The following PSMD1 variants were observed in gnomAD, a reference collection of about 807,000 sequenced individuals.
PSMD1 encodes 26S proteasome non-ATPase regulatory subunit 1.
In PSMD1, 18 loss-of-function variants were observed where a neutral mutation model predicts 119.0. The ratio of observed to expected loss-of-function variants is 0.15; its 90% CI spans 0.10 to 0.22. The LOEUF (loss-of-function observed/expected upper bound fraction) is 0.22, where lower values mean the gene tolerates loss of function less well. Among genes scored for constraint, PSMD1 ranks in the 10% least tolerant of loss-of-function variants. The pLI, the probability that PSMD1 is intolerant of heterozygous loss-of-function variation, is 1.00. For synonymous variants in PSMD1, 374 were observed against 396.6 expected, an observed-to-expected ratio of 0.94 and a Z score of 0.68; for missense variants, 702 against 1,158.5, an observed-to-expected ratio of 0.61 and a Z score of 5.72.
chr2:231,070,551 C>T (rs1046944535), intron 6 of PSMD1, among the ~76,000 whole-genome samples: 2 of 152,054 alleles, frequency 1.3e-5, no homozygotes, highest in African/African-American at 2.4e-5. Context: ...TATATGGTTT[C>T]ATTACCCATA....
At chr2:231,098,924 G>A (rs1244790867) in intron 16 of PSMD1, among the ~76,000 whole-genome samples, 5 of 152,142 alleles carry the variant, frequency 3.3e-5, no homozygotes, top group Admixed American at 6.5e-5. Context: ...GATCTCTTAG[G>A]TACAGAGGGA....
chr2:231,066,877 G>A (rs761722367), intron 4 of PSMD1, 29 bp from the exon 5 acceptor site: 1 of 1,530,778 alleles, frequency 6.5e-7, no homozygotes, highest in Non-Finnish European at 8.8e-7. Context: ...CAATTTACAA[G>A]ATAATCAGTT....
chr2:231,076,831 G>A (rs544694894), intron 8 of PSMD1, among the ~76,000 whole-genome samples: 21 of 151,838 alleles, frequency 1.4e-4, no homozygotes, highest in Non-Finnish European at 2.6e-4. Context: ...ATTTTACATC[G>A]AAAGCTAGCT....
chr2:231,085,553 A>G (rs1414138876), intron 15 of PSMD1, among the ~76,000 whole-genome samples: 1 of 152,192 alleles, frequency 6.6e-6, no homozygotes, highest in East Asian at 1.9e-4. Flanking sequence ...TACTCTGGAA[A>G]GTGAAGTGGA....
chr2:231,107,009 AT>A (rs11364554), intron 16 of PSMD1, among the ~76,000 whole-genome samples: 164 of 151,744 alleles, frequency 1.1e-3, no homozygotes, highest in African/African-American at 3.6e-3. Context: ...ATAGAGAATG[AT>A]TTTTTTTTAA....
chr2:231,133,741 A>G (rs1008376945), intron 16 of PSMD1: 7 of 152,152 alleles, frequency 4.6e-5, no homozygotes, highest in East Asian at 1.9e-4. Context: ...TTAGAGGGGG[A>G]AAAGAAAGAC....
chr2:231,163,544 G>A, intron 20 of PSMD1, 91 bp from the exon 21 acceptor site: 1 of 816,122 alleles, frequency 1.2e-6, no homozygotes, highest in Non-Finnish European at 2.0e-6. Flanking sequence ...CATACAGCCT[G>A]CATTAAAACT....
intron 16 of PSMD1, among the ~76,000 whole-genome samples, chr2:231,097,200 T>G (rs1305633338): frequency 2.0e-5 from 3 of 152,228 alleles, no homozygotes; most frequent in Admixed American, 6.5e-5. Context: ...TTTATGAGCC[T>G]CTGCATCAAC....
intron 16 of PSMD1, among the ~76,000 whole-genome samples, chr2:231,126,162 G>A (rs1160330447): frequency 1.3e-5 from 2 of 152,144 alleles, no homozygotes; most frequent in East Asian, 3.8e-4. Flanking sequence ...CAGCACTTTG[G>A]TAGACCAAGA....
At chr2:231,109,531 C>T in intron 16 of PSMD1, 1 of 822,360 alleles carries the variant, frequency 1.2e-6, no homozygotes. Flanking sequence ...TCCTGGGACC[C>T]ACAATGCAGG....
chr2:231,082,755 A>T, intron 12 of PSMD1, 128 bp from the exon 13 acceptor site: 1 of 655,572 alleles, frequency 1.5e-6, no homozygotes, highest in South Asian at 2.0e-5. Flanking sequence ...TGATTATCAC[A>T]TCCTTTGATC....
At chr2:231,078,803 T>TC in intron 10 of PSMD1, 56 bp downstream of exon 10, 5 of 1,349,042 alleles carry the variant, frequency 3.7e-6, no homozygotes, top group Non-Finnish European at 5.0e-6. Flanking sequence ...TTTTTTTTTT[T>TC]TTTTTTTTTT....
chr2:231,104,395 G>C (rs1202150800), intron 16 of PSMD1, among the ~76,000 whole-genome samples: 2 of 152,062 alleles, frequency 1.3e-5, no homozygotes, highest in African/African-American at 4.8e-5. Context: ...TTATGTGCTT[G>C]CTACTTCTAA....
chr2:231,078,513 A>G (rs1694221981), intron 9 of PSMD1, 146 bp from the exon 10 acceptor site: 1 of 462,868 alleles, frequency 2.2e-6, no homozygotes, highest in African/African-American at 2.0e-5. Flanking sequence ...GTCTTTATAA[A>G]AGAAATACCC....
At chr2:231,108,638 T>C (rs763659174) in intron 16 of PSMD1, 6 of 1,614,118 alleles carry the variant, frequency 3.7e-6, no homozygotes, top group Middle Eastern at 1.6e-4. Context: ...TGGACTCTGG[T>C]ACATGGCAGG....
intron 17 of PSMD1, among the ~76,000 whole-genome samples, chr2:231,145,239 CATAG>C (rs1461350462): frequency 6.6e-6 from 1 of 152,186 alleles, no homozygotes; most frequent in Non-Finnish European, 1.5e-5. Flanking sequence ...CTTACACAAA[CATAG>C]ATAGTTATGG....
At chr2:231,126,475 T>G (rs929220726) in intron 16 of PSMD1, among the ~76,000 whole-genome samples, 3 of 152,084 alleles carry the variant, frequency 2.0e-5, no homozygotes, top group Non-Finnish European at 4.4e-5. Flanking sequence ...GAAATTATTT[T>G]TAAATACTGC....
intron 18 of PSMD1, among the ~76,000 whole-genome samples, chr2:231,152,344 T>C (rs555259645): frequency 6.6e-6 from 1 of 152,258 alleles, no homozygotes; most frequent in East Asian, 1.9e-4. Flanking sequence ...GCAGAGATAA[T>C]AGGAGGGATT....
chr2:231,132,287 A>C (rs75368124), intron 16 of PSMD1, among the ~76,000 whole-genome samples: 36 of 152,320 alleles, frequency 2.4e-4, no homozygotes, highest in Non-Finnish European at 4.4e-4. Flanking sequence ...AAATAAATGA[A>C]ATGTTGACAG....
Sources: allele counts gnomAD v4.1 joint callset (sites outside exome capture counted in the v4.1 genomes callset), GRCh38; gene constraint gnomAD v4.1.1; transcripts MANE v1.5; gene names NCBI Gene and HGNC (gene_info 2026-07-23, HGNC 2026-07-21).